Variants in FIBCD1 observed in about 807,000 individuals in gnomAD.
The protein encoded by FIBCD1 is fibrinogen C domain containing 1, also known as fibrinogen C domain-containing protein 1.
Under a neutral mutation model 45.1 loss-of-function variants are expected in FIBCD1, and 47 were observed. The ratio of observed to expected loss-of-function variants is 1.04; its 90% CI spans 0.82 to 1.33. FIBCD1 has a LOEUF of 1.33. FIBCD1 is among the 40% of genes most tolerant of loss of function. FIBCD1 has a pLI of 0.00. For synonymous variants in FIBCD1, 313 were observed against 308.1 expected, an observed-to-expected ratio of 1.02 and a Z score of -0.17; for missense variants, 653 against 682.2, an observed-to-expected ratio of 0.96 and a Z score of 0.48.
At chr9:130,911,378 T>C (rs1376481678) in intron 5 of FIBCD1, among the ~76,000 whole-genome samples, 2 of 152,210 alleles carry the variant, frequency 1.3e-5, no homozygotes, top group South Asian at 2.1e-4. Flanking sequence ...CTGGCCACTC[T>C]TGGGAGTTCC....
chr9:130,929,696 G>A lies in FIBCD1; in HGVS notation c.423C>T (p.Ala141=), dbSNP rs748083505. The change falls in exon 2 of 7, where the codon GCC becomes GCT. Residue 141 remains alanine, a synonymous_variant. Transcript: ENST00000372338. ...DQEQELLDTL[A]DQLPRLLARA... Reference sequence around the variant, plus strand: ...GGGCCAGCAGCCGGGGCAGCTGGTCGGCCAGCGTGTCCAGCAGCTCCTGCT... The same window carrying A: ...GGGCCAGCAGCCGGGGCAGCTGGTCAGCCAGCGTGTCCAGCAGCTCCTGCT... 13 of 1,603,112 alleles carry A rather than the reference G, an allele frequency of 8.1e-6. No homozygotes were observed. Among genetic ancestry groups the A allele is most frequent in the Middle Eastern group, 1.7e-4 (1 of 6,044 alleles).
upstream of FIBCD1, among the ~76,000 whole-genome samples, chr9:130,939,906 G>A (rs888418457): frequency 2.0e-5 from 3 of 152,066 alleles, no homozygotes; most frequent in African/African-American, 7.2e-5. Flanking sequence ...GCCCGACGCC[G>A]CGCTCCCCTC....
At chr9:130,929,445 G>T in intron 2 of FIBCD1, 122 bp downstream of exon 2, 2 of 1,302,846 alleles carry the variant, frequency 1.5e-6, no homozygotes, top group Admixed American at 2.8e-5. Flanking sequence ...AACAGCAGTA[G>T]CCCCTTGTCT....
At chr9:130,931,973 T>A (rs1564341342) in intron 1 of FIBCD1, among the ~76,000 whole-genome samples, 1 of 152,270 alleles carries the variant, frequency 6.6e-6, no homozygotes, top group African/African-American at 2.4e-5. Context: ...GCTTTCATTA[T>A]CCCATGATCA....
rs148735827 is a variant in FIBCD1 at position 130,911,066 on chromosome 9, C to T, written c.946+726G>A. ...GAGAATAAAAGCAGGCTGCCCCAGC[C>T]AGCCTCGGCAACCCGCTCAGGTTCC... On this transcript the variant is annotated intron_variant, in intron 5 of 6. Coordinates refer to ENST00000372338, the MANE Select transcript of FIBCD1 (RefSeq NM_032843.5). Among the ~76,000 whole-genome samples the T allele has an allele frequency of 2.3e-3, 350 of 152,312 alleles. 1 individual carries two copies. The highest frequency in any genetic ancestry group is 0.022 in the South Asian group (105 of 4,828).
chr9:130,934,486 A>G (rs923189278), intron 1 of FIBCD1, among the ~76,000 whole-genome samples: 2 of 152,160 alleles, frequency 1.3e-5, no homozygotes, highest in Non-Finnish European at 2.9e-5. Flanking sequence ...CAAGGGGACA[A>G]GAGCGCCCCA....
At chr9:130,918,353 A>G (rs529451409) in intron 4 of FIBCD1, among the ~76,000 whole-genome samples, 1 of 151,918 alleles carries the variant, frequency 6.6e-6, no homozygotes, top group Non-Finnish European at 1.5e-5. Context: ...TGGGCAGAGG[A>G]GCTGAAACCC....
chr9:130,929,690 C>T lies in FIBCD1; in HGVS notation c.429G>A (p.Gln143=). ...EQELLDTLAD[Q]LPRLLARASE... is the part of the protein sequence containing the mutation. Reference sequence around the variant, plus strand: ...AGGCTCGGGCCAGCAGCCGGGGCAGCTGGTCGGCCAGCGTGTCCAGCAGCT... The same window carrying T: ...AGGCTCGGGCCAGCAGCCGGGGCAGTTGGTCGGCCAGCGTGTCCAGCAGCT... The change falls in exon 2 of 7, where the codon CAG becomes CAA. Residue 143 remains glutamine (Q), a synonymous_variant. Transcript: ENST00000372338. 2 of 1,603,844 alleles carry T rather than the reference C, an allele frequency of 1.2e-6. No homozygotes were observed. Among genetic ancestry groups the T allele is most frequent in the Non-Finnish European group, 8.5e-7 (1 of 1,175,968 alleles).
chr9:130,921,513 G>A (rs1049122150), intron 4 of FIBCD1, among the ~76,000 whole-genome samples: 35 of 152,334 alleles, frequency 2.3e-4, no homozygotes, highest in African/African-American at 6.7e-4. Context: ...GTGTCTGAGC[G>A]CCAGGGCTGG....
In FIBCD1 at chr9:130,906,220, T is replaced by TC. The variant is rs544824867; in HGVS notation, c.947-808dup. 6.5e-4 allele frequency among the ~76,000 whole-genome samples: 99 copies of TC among 152,170 alleles called. No homozygotes were observed. In the East Asian group the frequency reaches 9.7e-3, roughly 15 times the overall value. On this transcript the variant is annotated intron_variant, in intron 5 of 6. Transcript: ENST00000372338. The stretch of plus-strand genomic sequence containing the variant: ...CATCCCCGGGGTCTCATGCCAGGCC[T>TC]CCCCTACCATACACATACGTGCTCA...
chr9:130,923,257 G>C (rs3847198), intron 4 of FIBCD1, among the ~76,000 whole-genome samples: 10,449 of 152,258 alleles, frequency 0.069, 461 homozygotes, highest in South Asian at 0.13. Context: ...GGAACCAGGA[G>C]GTGCAGGAAT....
intron 5 of FIBCD1, among the ~76,000 whole-genome samples, chr9:130,907,954 TA>T (rs1161462414): frequency 4.3e-4 from 57 of 131,464 alleles, no homozygotes; most frequent in East Asian, 1.1e-3. Context: ...AGAGGAGACT[TA>T]AAAAAAAAAT....
At chr9:130,910,611 C>G (rs1832020535) in intron 5 of FIBCD1, among the ~76,000 whole-genome samples, 1 of 152,252 alleles carries the variant, frequency 6.6e-6, no homozygotes, top group Non-Finnish European at 1.5e-5. Flanking sequence ...GGTGGAGAGT[C>G]TTTATGTCTA....
intron 4 of FIBCD1, among the ~76,000 whole-genome samples, chr9:130,916,025 G>A (rs1407017727): frequency 6.6e-6 from 1 of 152,160 alleles, no homozygotes; most frequent in Non-Finnish European, 1.5e-5. Context: ...TGCCTCCCAG[G>A]TTCAAGCAAT....
At chr9:130,919,628 G>C (rs963122777) in intron 4 of FIBCD1, among the ~76,000 whole-genome samples, 9 of 152,196 alleles carry the variant, frequency 5.9e-5, no homozygotes, top group Non-Finnish European at 1.2e-4. Context: ...CTCAGGTGGG[G>C]GGATGTGGGG....
chr9:130,919,429 G>A (rs1361033435), intron 4 of FIBCD1, among the ~76,000 whole-genome samples: 1 of 152,176 alleles, frequency 6.6e-6, no homozygotes, highest in Non-Finnish European at 1.5e-5. Flanking sequence ...TGCAGCCCAA[G>A]TAGGAAGGAG....
intron 2 of FIBCD1, among the ~76,000 whole-genome samples, chr9:130,929,194 G>A (rs999097094): frequency 7.9e-5 from 12 of 152,090 alleles, no homozygotes; most frequent in Admixed American, 6.5e-5. Context: ...TCAGCAAGTC[G>A]CATCCCCTCT....
chr9:130,937,909 C>T (rs933751877), intron 1 of FIBCD1: 7 of 152,696 alleles, frequency 4.6e-5, no homozygotes, highest in African/African-American at 1.7e-4. Context: ...AGCACACAGA[C>T]AAGGGTTCAA....
chr9:130,936,554 G>A (rs543419232), intron 1 of FIBCD1, among the ~76,000 whole-genome samples: 4 of 152,376 alleles, frequency 2.6e-5, no homozygotes, highest in East Asian at 1.9e-4. Context: ...GTGCCCCCAG[G>A]GAGCAGCAGA....
Sources: allele counts gnomAD v4.1 joint callset (sites outside exome capture counted in the v4.1 genomes callset), GRCh38; gene constraint gnomAD v4.1.1; transcripts MANE v1.5; gene names NCBI Gene and HGNC (gene_info 2026-07-23, HGNC 2026-07-21).